Variants in CACNA2D3 observed in about 807,000 individuals in gnomAD.
CACNA2D3 encodes voltage-dependent calcium channel subunit alpha-2/delta-3.
Under a neutral mutation model 160.6 loss-of-function variants are expected in CACNA2D3, and 60 were observed. That is an observed-to-expected ratio of 0.37 (90% CI 0.30 to 0.46). The LOEUF is 0.46. Among genes scored for constraint, CACNA2D3 ranks in the 20% least tolerant of loss-of-function variants. The pLI is 1.00. For synonymous variants in CACNA2D3, 558 were observed against 492.9 expected, an observed-to-expected ratio of 1.13 and a Z score of -1.75; for missense variants, 1,205 against 1,365.0, an observed-to-expected ratio of 0.88 and a Z score of 1.85.
intron 2 of CACNA2D3, among the ~76,000 whole-genome samples, chr3:54,215,091 G>A (rs954744779): frequency 6.6e-6 from 1 of 152,324 alleles, no homozygotes; most frequent in Non-Finnish European, 1.5e-5. Flanking sequence ...GTTGATGTCA[G>A]CTCCTCAGGA....
chr3:54,721,719 C>T, intron 11 of CACNA2D3, among the ~76,000 whole-genome samples: 2 of 148,746 alleles, frequency 1.3e-5, no homozygotes, highest in Non-Finnish European at 3.0e-5. Flanking sequence ...CGAGATTGCA[C>T]CACTGCACTC....
At chr3:54,170,841 A>AG (rs1367818854) in intron 2 of CACNA2D3, among the ~76,000 whole-genome samples, 2 of 152,126 alleles carry the variant, frequency 1.3e-5, no homozygotes, top group African/African-American at 4.8e-5. Context: ...AGATTTTATT[A>AG]TTTTGCCATG....
intron 11 of CACNA2D3, among the ~76,000 whole-genome samples, chr3:54,740,444 C>G (rs1432197744): frequency 6.6e-6 from 1 of 152,080 alleles, no homozygotes; most frequent in East Asian, 1.9e-4. Context: ...GGGTCTTCAG[C>G]CAGGGGCGCA....
At chr3:54,639,570 G>T (rs561665351) in intron 10 of CACNA2D3, 3 of 195,598 alleles carry the variant, frequency 1.5e-5, no homozygotes, top group African/African-American at 7.2e-5. Context: ...GATAGTGAGG[G>T]AGGTTGGAGA....
intron 29 of CACNA2D3, among the ~76,000 whole-genome samples, chr3:54,972,389 T>C (rs1702294438): frequency 6.6e-6 from 1 of 152,182 alleles, no homozygotes; most frequent in Non-Finnish European, 1.5e-5. Context: ...CAGTCCTGCC[T>C]TCTCACCAAG....
At chr3:54,790,092 T>C (rs544179215) in intron 13 of CACNA2D3, among the ~76,000 whole-genome samples, 83 of 151,990 alleles carry the variant, frequency 5.5e-4, no homozygotes, top group African/African-American at 2.0e-3. Context: ...TGGAGTGTAC[T>C]AGGGTAGTTA....
chr3:55,044,976 A>G (rs1448672025), intron 35 of CACNA2D3, among the ~76,000 whole-genome samples: 1 of 152,004 alleles, frequency 6.6e-6, no homozygotes, highest in Non-Finnish European at 1.5e-5. Flanking sequence ...GTTCTATTTT[A>G]TATTACTGTA....
chr3:54,380,832 C>T (rs1699091693), intron 3 of CACNA2D3, among the ~76,000 whole-genome samples: 1 of 151,930 alleles, frequency 6.6e-6, no homozygotes. Context: ...TTTCTTAATT[C>T]CTCTGTTTGG....
chr3:55,010,559 C>T (rs1164603386), intron 34 of CACNA2D3, among the ~76,000 whole-genome samples: 1 of 152,204 alleles, frequency 6.6e-6, no homozygotes, highest in Non-Finnish European at 1.5e-5. Flanking sequence ...TTCTCAGATA[C>T]ACTCTGTTCT....
chr3:54,472,673 G>A (rs1186948208), intron 4 of CACNA2D3, among the ~76,000 whole-genome samples: 1 of 152,142 alleles, frequency 6.6e-6, no homozygotes, highest in Non-Finnish European at 1.5e-5. Context: ...AAGCTGATAA[G>A]CAACTTCAGC....
At chr3:54,752,545 T>C (rs895717879) in intron 11 of CACNA2D3, 54 bp from the exon 12 acceptor site, 58 of 1,250,446 alleles carry the variant, frequency 4.6e-5, no homozygotes, top group Admixed American at 1.6e-4. Context: ...ATGTGATCTG[T>C]GCAGGATGGC....
intron 10 of CACNA2D3, among the ~76,000 whole-genome samples, chr3:54,634,891 T>G (rs968020927): frequency 6.6e-6 from 1 of 152,076 alleles, no homozygotes; most frequent in African/African-American, 2.4e-5. Flanking sequence ...TACATGCAGG[T>G]CACAGGGGAT....
chr3:54,801,144 G>T (rs777169036), intron 13 of CACNA2D3, among the ~76,000 whole-genome samples: 1 of 151,876 alleles, frequency 6.6e-6, no homozygotes, highest in Non-Finnish European at 1.5e-5. Flanking sequence ...CCAGCACCAC[G>T]CCTGGCTAAT....
At chr3:54,687,121 C>CTTTTTCTTTTTCTTTTTCTTTTTCTTTT in intron 11 of CACNA2D3, among the ~76,000 whole-genome samples, 7 of 94,974 alleles carry the variant, frequency 7.4e-5, no homozygotes, top group African/African-American at 2.4e-4. Flanking sequence ...TTTTCTTTTT[C>CTTTTTCTTTTTCTTTTTCTTTTTCTTTT]TTTTTTTTTT....
intron 4 of CACNA2D3, among the ~76,000 whole-genome samples, chr3:54,463,742 T>G (rs1272380908): frequency 1.3e-5 from 2 of 152,132 alleles, no homozygotes; most frequent in African/African-American, 2.4e-5. Context: ...CGGAGTAGTT[T>G]GATCGTCTGA....
At chr3:54,617,829 G>A (rs1452037759) in intron 9 of CACNA2D3, among the ~76,000 whole-genome samples, 4 of 152,044 alleles carry the variant, frequency 2.6e-5, no homozygotes, top group African/African-American at 4.8e-5. Flanking sequence ...CAATAGAGAA[G>A]ACAGACTGAG....
At chr3:54,753,082 A>G (rs1262318180) in intron 12 of CACNA2D3, among the ~76,000 whole-genome samples, 1 of 152,070 alleles carries the variant, frequency 6.6e-6, no homozygotes, top group Non-Finnish European at 1.5e-5. Context: ...GCTGGTCTAG[A>G]ACTCCTGAGC....
chr3:54,417,864 A>G (rs1699780601), intron 4 of CACNA2D3, among the ~76,000 whole-genome samples: 1 of 151,788 alleles, frequency 6.6e-6, no homozygotes. Flanking sequence ...ATGGCTCACT[A>G]CAGCCCGGAC....
intron 2 of CACNA2D3, among the ~76,000 whole-genome samples, chr3:54,151,420 G>T (rs768579309): frequency 1.3e-5 from 2 of 151,974 alleles, no homozygotes; most frequent in Non-Finnish European, 2.9e-5. Context: ...GATAGTTGGG[G>T]GAGGGAGGAA....
Sources: gnomAD v4.1 joint callset for allele counts (sites outside exome capture counted in the v4.1 genomes callset) on GRCh38, gnomAD v4.1.1 for gene constraint, MANE v1.5 for transcripts, NCBI Gene and HGNC (gene_info 2026-07-23, HGNC 2026-07-21) for gene names.